Variants in PRKCQ observed in about 807,000 individuals in gnomAD.
PRKCQ encodes the protein protein kinase C theta type.
Under a neutral mutation model 91.2 loss-of-function variants are expected in PRKCQ, and 41 were observed. The observed-to-expected ratio is 0.45, with a 90% CI of 0.35 to 0.58. The LOEUF (loss-of-function observed/expected upper bound fraction) is 0.58. Among genes scored for constraint, PRKCQ ranks in the 20% least tolerant of loss-of-function variants. The probability of loss-of-function intolerance (pLI) is 0.00; values close to 1 mark genes in which losing one functional copy is unlikely to be tolerated. For missense variants in PRKCQ, 673 were observed against 896.5 expected, an observed-to-expected ratio of 0.75 and a Z score of 3.18; for synonymous variants, 307 against 316.9, an observed-to-expected ratio of 0.97 and a Z score of 0.33.
At chr10:6,453,506 G>A (rs913934345) in intron 15 of PRKCQ, among the ~76,000 whole-genome samples, 12 of 152,218 alleles carry the variant, frequency 7.9e-5, no homozygotes, top group South Asian at 4.1e-4. Flanking sequence ...GTGGAAGTCA[G>A]TGTGGCGATT....
chr10:6,565,140 G>T (rs1279158791), intron 1 of PRKCQ, among the ~76,000 whole-genome samples: 1 of 152,202 alleles, frequency 6.6e-6, no homozygotes. Context: ...CAGAATGTTT[G>T]ATGCTTCTTT....
chr10:6,425,809 TAAAAC>T (rs1186267919), downstream of PRKCQ, among the ~76,000 whole-genome samples: 3 of 151,994 alleles, frequency 2.0e-5, no homozygotes, highest in Non-Finnish European at 2.9e-5. Flanking sequence ...AAATAAAAAA[TAAAAC>T]AAACAAAACC....
In PRKCQ at chr10:6,576,995, A is replaced by G. The variant is rs1354424578; in HGVS notation, c.-10+3216T>C. ...ATTCTGAGTATGATATACAGCACAT[A>G]AATTCTAAATAATAAAGACTCAAAA... On this transcript the variant is annotated intron_variant, in intron 1 of 17. Coordinates refer to ENST00000263125, the MANE Select transcript of PRKCQ (RefSeq NM_006257.5). The surrounding 1 kb of genome is among the most constrained non-coding windows in gnomAD (Gnocchi z 4.2). Among the ~76,000 whole-genome samples, 1 of 152,188 alleles carries G rather than the reference A, an allele frequency of 6.6e-6. No homozygotes were observed. The highest frequency in any genetic ancestry group is 1.5e-5 in the Non-Finnish European group (1 of 68,030).
chr10:6,436,413 A>G (rs966012911), intron 16 of PRKCQ, among the ~76,000 whole-genome samples: 1 of 152,206 alleles, frequency 6.6e-6, no homozygotes, highest in Non-Finnish European at 1.5e-5. Flanking sequence ...TAATGATAGC[A>G]TAAGATTAGG....
chr10:6,410,278 T>A, the PRKCQ span, among the ~76,000 whole-genome samples: 3 of 152,210 alleles, frequency 2.0e-5, no homozygotes, highest in Non-Finnish European at 4.4e-5. Flanking sequence ...TAAGGGACAT[T>A]TATGGGGTCA....
intron 1 of PRKCQ, among the ~76,000 whole-genome samples, chr10:6,551,589 G>A (rs1325300521): frequency 1.3e-5 from 2 of 151,770 alleles, no homozygotes; most frequent in East Asian, 3.9e-4. Flanking sequence ...GTAGAGACGG[G>A]GTTTCACCAT....
intron 16 of PRKCQ, among the ~76,000 whole-genome samples, chr10:6,431,870 T>G (rs1001563980): frequency 1.3e-5 from 2 of 152,222 alleles, no homozygotes; most frequent in Admixed American, 6.5e-5. Flanking sequence ...TACATACATA[T>G]GTACATTCCT....
At chr10:6,490,379 G>A (rs1413184464) in intron 8 of PRKCQ, among the ~76,000 whole-genome samples, 2 of 151,724 alleles carry the variant, frequency 1.3e-5, no homozygotes, top group African/African-American at 4.8e-5. Context: ...ATCAAAATAG[G>A]GCTGCCAAGA....
At chr10:6,530,992 A>C (rs1839370561) in intron 1 of PRKCQ, among the ~76,000 whole-genome samples, 1 of 152,060 alleles carries the variant, frequency 6.6e-6, no homozygotes, top group African/African-American at 2.4e-5. Context: ...GAAAACTATT[A>C]AGTTGTTTTA....
chr10:6,422,340 G>A (rs753825051), downstream of PRKCQ, among the ~76,000 whole-genome samples: 2 of 152,074 alleles, frequency 1.3e-5, no homozygotes, highest in Non-Finnish European at 2.9e-5. Flanking sequence ...TAGAAAGGAG[G>A]AGACTGAGGC....
Position 6,497,199 on chromosome 10 carries a change from A to AAC in PRKCQ, c.574+19_574+20dup. The stretch of plus-strand genomic sequence containing the variant: ...TAAATAAAAAGAATGATGGTAATGC[A>AAC]ACCAAAACCCTCTTACTTACGTCGG... On this transcript the variant is annotated intron_variant, in intron 6 of 17. Coordinates refer to ENST00000263125, the MANE Select transcript of PRKCQ (RefSeq NM_006257.5). This position sits in a 1 kb window ranked among gnomAD's most constrained non-coding sequence, Gnocchi z 4.5. The AAC allele has an allele frequency of 6.2e-7, 1 of 1,614,226 alleles. No individual in the cohort carries two copies. Among genetic ancestry groups the AAC allele is most frequent in the Non-Finnish European group, 8.5e-7 (1 of 1,180,028 alleles).
intron 1 of PRKCQ, among the ~76,000 whole-genome samples, chr10:6,524,044 T>C (rs1015761419): frequency 4.6e-5 from 7 of 152,318 alleles, no homozygotes; most frequent in Admixed American, 4.6e-4. Context: ...CCTGAATATC[T>C]GTCTCTATGG....
Position 6,500,371 on chromosome 10 carries a change from A to G in PRKCQ, c.380-1813T>C, listed in dbSNP as rs1421711573. Among the ~76,000 whole-genome samples, 6 of 151,920 alleles carry G rather than the reference A, an allele frequency of 3.9e-5. No homozygotes were observed. In the East Asian group the frequency reaches 1.2e-3, roughly 29 times the overall value. The stretch of plus-strand genomic sequence containing the variant: ...CAGGTTTTTACTGTAAAAATCATAT[A>G]TGTTTATATGTATATTAAACATATT... On this transcript the variant is annotated intron_variant, in intron 4 of 17. Transcript: ENST00000263125.
chr10:6,546,014 GA>G (rs914124240), intron 1 of PRKCQ, among the ~76,000 whole-genome samples: 8 of 146,050 alleles, frequency 5.5e-5, no homozygotes, highest in South Asian at 4.4e-4. Flanking sequence ...AGGAAAACGA[GA>G]AAAAAAAAAG....
In PRKCQ at chr10:6,560,561, T is replaced by C. The variant is rs148623580; in HGVS notation, c.-10+19650A>G. ...CGCCCCTGAGATAGTGTTTCACGGA[T>C]ATGCTGCACTTCGTGGCTATTCTAA... is the stretch of plus-strand genomic sequence containing the variant. On this transcript the variant is annotated intron_variant, in intron 1 of 17. Coordinates refer to ENST00000263125, the MANE Select transcript of PRKCQ (RefSeq NM_006257.5). 4.2e-3 allele frequency among the ~76,000 whole-genome samples: 647 copies of C among 152,314 alleles called. 1 individual carries two copies. The highest frequency in any genetic ancestry group is 0.015 in the African/African-American group (612 of 41,562).
At chr10:6,508,336 T>C (rs960460165) in intron 3 of PRKCQ, among the ~76,000 whole-genome samples, 23 of 152,224 alleles carry the variant, frequency 1.5e-4, no homozygotes, top group Non-Finnish European at 8.8e-5. Flanking sequence ...ATTATGTCCA[T>C]GGGTTATCCA....
intron 1 of PRKCQ, among the ~76,000 whole-genome samples, chr10:6,566,750 C>T (rs1355128383): frequency 6.6e-6 from 1 of 152,034 alleles, no homozygotes; most frequent in African/African-American, 2.4e-5. Context: ...AGGGGAGGAA[C>T]ACACTGATGA....
intron 14 of PRKCQ, among the ~76,000 whole-genome samples, chr10:6,457,753 G>T (rs901492293): frequency 6.6e-6 from 1 of 152,132 alleles, no homozygotes; most frequent in Non-Finnish European, 1.5e-5. Flanking sequence ...CTTTTGCCAC[G>T]GTGGACTAAG....
chr10:6,489,514 T>G (rs1837152176), intron 8 of PRKCQ: 1 of 513,840 alleles, frequency 1.9e-6, no homozygotes, highest in African/African-American at 1.9e-5. Context: ...AGGCCCTACT[T>G]AAGACGACGG....
Sources: allele counts gnomAD v4.1 joint callset (sites outside exome capture counted in the v4.1 genomes callset), GRCh38; gene constraint gnomAD v4.1.1; non-coding constraint Gnocchi (gnomAD v3.1); transcripts MANE v1.5; gene names NCBI Gene and HGNC (gene_info 2026-07-23, HGNC 2026-07-21).